The following ADD1 variants were observed in gnomAD, a reference collection of about 807,000 sequenced individuals.
ADD1 encodes the protein alpha-adducin.
A neutral mutation model predicts 80.5 loss-of-function variants in ADD1; 24 were observed. That is an observed-to-expected ratio of 0.30 (90% CI 0.22 to 0.42). The LOEUF is 0.42. Ranked by LOEUF, ADD1 falls within the 10% of genes least tolerant of loss-of-function variation. The pLI, the probability that ADD1 is intolerant of heterozygous loss-of-function variation, is 1.00. For missense variants in ADD1, 948 were observed against 1,019.0 expected, an observed-to-expected ratio of 0.93 and a Z score of 0.95; for synonymous variants, 373 against 393.8, an observed-to-expected ratio of 0.95 and a Z score of 0.63.
chr4:2,924,886 G>C (rs1001498121), intron 14 of ADD1, among the ~76,000 whole-genome samples: 1 of 152,204 alleles, frequency 6.6e-6, no homozygotes, highest in African/African-American at 2.4e-5. Context: ...ACACAGACAT[G>C]TGTCTGCCCT....
Position 2,875,898 on chromosome 4 carries a change from A to C in ADD1, c.-18A>C, listed in dbSNP as rs758859450. 6.4e-7 allele frequency: 1 copy of C among 1,569,874 alleles called. No homozygotes were observed. Among genetic ancestry groups the C allele is most frequent in the African/African-American group, 1.4e-5 (1 of 72,906 alleles). ...TTTCTTTTATTTTGATTCTGTAGGAACCTAGAAAGATTGTACAATGAATGG... is the reference window on the plus strand; with the variant it reads ...TTTCTTTTATTTTGATTCTGTAGGACCCTAGAAAGATTGTACAATGAATGG... On this transcript the variant is annotated splice_region_variant and 5_prime_UTR_variant, in exon 2 of 16. Transcript: ENST00000683351.
Position 2,926,374 on chromosome 4 carries a change from C to T in ADD1, c.2047+262C>T. The stretch of plus-strand genomic sequence containing the variant: ...CCATGGTTGCTGGTGTCCACGTTGC[C>T]CATTGCTCGCACACTCCTCGTGCCG... On this transcript the variant is annotated intron_variant, in intron 15 of 15. Coordinates refer to ENST00000683351, the MANE Select transcript of ADD1 (RefSeq NM_001354761.2). The surrounding 1 kb of genome is among the most constrained non-coding windows in gnomAD (Gnocchi z 5.0). The T allele has an allele frequency of 1.4e-6, 1 of 701,296 alleles. No homozygotes were observed. The highest frequency in any genetic ancestry group is 1.5e-5 in the South Asian group (1 of 66,690). The allele number at this position is 701,296 out of a possible 1,614,324, so 43.4% of individuals were successfully genotyped here.
rs371161137 is a variant in ADD1 at position 2,894,747 on chromosome 4, G to C, written c.741+16G>C. The C allele has an allele frequency of 2.3e-5, 36 of 1,585,794 alleles. No individual in the cohort carries two copies. The highest frequency in any genetic ancestry group is 3.0e-5 in the Non-Finnish European group (35 of 1,171,414). On this transcript the variant is annotated intron_variant, in intron 6 of 15. Transcript: ENST00000683351. ...AGGGGCTGCGGTGAGTGGCTGCCCT[G>C]GTAGCATCTCAAGGTCTAAAGCTGC...
rs865933044 is a variant in ADD1 at position 2,905,190 on chromosome 4, G to A, written c.1506+82G>A. On this transcript the variant is annotated intron_variant, in intron 10 of 15. Coordinates refer to ENST00000683351, the MANE Select transcript of ADD1 (RefSeq NM_001354761.2). The stretch of plus-strand genomic sequence containing the variant: ...GGGCTTCGGAGGCTTTGGGAATCCA[G>A]CCTTTCTGACCCAGGTGTAAAGCGA... The A allele has an allele frequency of 1.3e-5, 18 of 1,371,566 alleles. No homozygotes were observed. In the African/African-American group the frequency reaches 2.1e-4, roughly 16 times the overall value. 85.0% of individuals were successfully genotyped at this position (1,371,566 alleles called of 1,614,324 possible). A position where few individuals can be genotyped will look rare whatever the true frequency, so the allele number is the denominator to read the frequency against.
At chr4:2,911,322 G>A (rs1416453612) in intron 13 of ADD1, among the ~76,000 whole-genome samples, 1 of 152,016 alleles carries the variant, frequency 6.6e-6, no homozygotes, top group East Asian at 1.9e-4. Flanking sequence ...TGCAAGTGTT[G>A]CCTTCTGATA....
chr4:2,909,295 A>C, intron 12 of ADD1, 44 bp from the exon 13 acceptor site: 1 of 1,480,162 alleles, frequency 6.8e-7, no homozygotes, highest in Non-Finnish European at 9.2e-7. Context: ...GATATTTCAC[A>C]GGCTGGGCCT....
chr4:2,876,680 C>CA lies in ADD1; in HGVS notation c.195+579dup, dbSNP rs1356067189. Among the ~76,000 whole-genome samples, 20 of 151,076 alleles carry CA rather than the reference C, an allele frequency of 1.3e-4. No individual in the cohort carries two copies. In the East Asian group the frequency reaches 2.7e-3, roughly 21 times the overall value. The stretch of plus-strand genomic sequence containing the variant: ...TGAAAACCCATCTCTACTAAAAATA[C>CA]AAAAAAAAATTAGCCAGGCGTAGTG... On this transcript the variant is annotated intron_variant, in intron 2 of 15. Coordinates refer to ENST00000683351, the MANE Select transcript of ADD1 (RefSeq NM_001354761.2).
In ADD1 at chr4:2,886,190, C is replaced by T. The variant is rs551030758; in HGVS notation, c.510+1524C>T. On this transcript the variant is annotated intron_variant, in intron 4 of 15. Coordinates refer to ENST00000683351, the MANE Select transcript of ADD1 (RefSeq NM_001354761.2). ...AGGCAAGCAGTGTGTGCGCTGTTCACGTTGCTGAAATGTTTCCTCCATACT... is the reference window on the plus strand; with the variant it reads ...AGGCAAGCAGTGTGTGCGCTGTTCATGTTGCTGAAATGTTTCCTCCATACT... Among the ~76,000 whole-genome samples, 52 of 152,314 alleles carry T rather than the reference C, an allele frequency of 3.4e-4. 1 individual carries two copies. In the Middle Eastern group the frequency reaches 0.01, roughly 30 times the overall value.
chr4:2,898,930 C>A, intron 8 of ADD1: 1 of 380,832 alleles, frequency 2.6e-6, no homozygotes, highest in Non-Finnish European at 4.8e-6. Context: ...GTGAGTTCCC[C>A]TCCGCTCCGT....
rs1553815097 is a variant in ADD1, at chr4:2,852,207, C to CTTTCCTTT, written c.-21+8183_-21+8184insTTTCCTTT. On this transcript the variant is annotated intron_variant, in intron 1 of 15. Transcript: ENST00000683351. ...CTTTCTTTCTTTCTTTCCTTTCTTT[C>CTTTCCTTT]CTTTCCTTTCTTTCCTTTCTTTCCT... Among the ~76,000 whole-genome samples, 581 of 66,058 alleles carry CTTTCCTTT rather than the reference C, an allele frequency of 8.8e-3. 15 individuals carry two copies. The highest frequency in any genetic ancestry group is 0.046 in the Admixed American group (268 of 5,810). The allele number at this position is 66,058 out of a possible 152,430, so 43.3% of individuals were successfully genotyped here.
At chr4:2,893,282 A>T (rs13146376) in intron 4 of ADD1, among the ~76,000 whole-genome samples, 1 of 141,248 alleles carries the variant, frequency 7.1e-6, no homozygotes, top group South Asian at 2.2e-4. Context: ...TGCAGCAAGG[A>T]AAAAAAAAAA....
chr4:2,847,479 C>G (rs549908073), intron 1 of ADD1, among the ~76,000 whole-genome samples: 3 of 151,972 alleles, frequency 2.0e-5, no homozygotes, highest in Non-Finnish European at 2.9e-5. Flanking sequence ...ATCTACTTTT[C>G]TTCTAAGCCA....
chr4:2,908,173 T>A (rs1560229921), intron 11 of ADD1, among the ~76,000 whole-genome samples: 1 of 152,242 alleles, frequency 6.6e-6, no homozygotes, highest in Non-Finnish European at 1.5e-5. Flanking sequence ...TGAGTGGCAT[T>A]TGGTGTATCA....
At chr4:2,907,868 CG>C in intron 11 of ADD1, 24 bp downstream of exon 11, 1 of 1,594,554 alleles carries the variant, frequency 6.3e-7, no homozygotes. Context: ...CGGCACTCAG[CG>C]GGGGCTTGGG....
chr4:2,926,279 C>G lies in ADD1; in HGVS notation c.2047+167C>G. ...CCTATATTGCTTCTGTCCTGGGTAA[C>G]TCCAGGCAAAACAGATTTGTATGTG... On this transcript the variant is annotated intron_variant, in intron 15 of 15. Transcript: ENST00000683351. This position sits in a 1 kb window ranked among gnomAD's most constrained non-coding sequence, Gnocchi z 5.0. 1 of 750,344 alleles carries G rather than the reference C, an allele frequency of 1.3e-6. No homozygotes were observed. The highest frequency in any genetic ancestry group is 1.5e-5 in the South Asian group (1 of 67,700). 46.5% of individuals were successfully genotyped at this position (750,344 alleles called of 1,614,324 possible).
rs527482747 is a variant in ADD1 at position 2,848,423 on chromosome 4, G to C, written c.-21+4399G>C. The stretch of plus-strand genomic sequence containing the variant: ...GTTGTTATAACTAATGTGTAACACT[G>C]TTTTTGATAACTGTCAGCTTAAACA... On this transcript the variant is annotated intron_variant, in intron 1 of 15. Coordinates refer to ENST00000683351, the MANE Select transcript of ADD1 (RefSeq NM_001354761.2). 2.4e-4 allele frequency among the ~76,000 whole-genome samples: 37 copies of C among 152,220 alleles called. No homozygotes were observed. In the South Asian group the frequency reaches 2.9e-3, roughly 12 times the overall value.
chr4:2,917,467 C>T (rs958135638), intron 14 of ADD1, among the ~76,000 whole-genome samples: 2 of 152,076 alleles, frequency 1.3e-5, no homozygotes, highest in African/African-American at 4.8e-5. Context: ...AAATTTTCTC[C>T]CATTCTGTAG....
At chr4:2,874,450 T>C (rs1218660661) in intron 1 of ADD1, among the ~76,000 whole-genome samples, 1 of 151,516 alleles carries the variant, frequency 6.6e-6, no homozygotes, top group African/African-American at 2.4e-5. Flanking sequence ...CTACTAAAAA[T>C]ACAAAAATTA....
chr4:2,904,928 G>A lies in ADD1; in HGVS notation c.1326G>A (p.Arg442=). 6.2e-7 allele frequency: 1 copy of A among 1,614,210 alleles called. No individual in the cohort carries two copies. Among genetic ancestry groups the A allele is most frequent in the Non-Finnish European group, 8.5e-7 (1 of 1,180,032 alleles). ...PLRHSFQKQQ[R]EKTRWLNSGR... ...GACACAGTTTTCAGAAGCAGCAGCGGGAGAAGACAAGATGGCTGAACTCTG... is the reference window on the plus strand; with the variant it reads ...GACACAGTTTTCAGAAGCAGCAGCGAGAGAAGACAAGATGGCTGAACTCTG... The change falls in exon 10 of 16, where the codon CGG becomes CGA. Residue 442 remains arginine (R), a synonymous_variant. Transcript: ENST00000683351.
Sources: allele counts gnomAD v4.1 joint callset (sites outside exome capture counted in the v4.1 genomes callset), GRCh38; gene constraint gnomAD v4.1.1; non-coding constraint Gnocchi (gnomAD v3.1); transcripts MANE v1.5; gene names NCBI Gene and HGNC (gene_info 2026-07-23, HGNC 2026-07-21).